The following DGKG variants were observed in gnomAD, a reference collection of about 807,000 sequenced individuals.
The protein encoded by DGKG is diacylglycerol kinase gamma.
DGKG carries 78 observed loss-of-function variants against 105.3 expected under a neutral mutation model. The observed-to-expected ratio is 0.74, with a 90% CI of 0.62 to 0.89. DGKG has a LOEUF of 0.89. Among genes scored for constraint, DGKG ranks in the 40% least tolerant of loss-of-function variants. DGKG has a pLI of 0.00. For missense variants in DGKG, 958 were observed against 1,020.1 expected (o/e 0.94, Z 0.83); for synonymous variants, 346 against 367.1 (o/e 0.94, Z 0.66).
chr3:186,279,040 C>T (rs894786119), intron 9 of DGKG: 1 of 152,234 alleles, frequency 6.6e-6, no homozygotes, highest in Non-Finnish European at 1.5e-5. Context: ...AGCCTGTACA[C>T]ATATGCCCTA....
intron 12 of DGKG, 46 bp downstream of exon 12, chr3:186,268,755 A>C: frequency 7.1e-7 from 1 of 1,413,020 alleles, no homozygotes; most frequent in South Asian, 1.2e-5. Context: ...CAGCTTGGGC[A>C]AAAAAACGTT....
intron 20 of DGKG, among the ~76,000 whole-genome samples, chr3:186,216,485 A>G (rs1290918971): frequency 1.3e-5 from 2 of 152,118 alleles, no homozygotes; most frequent in African/African-American, 4.8e-5. Flanking sequence ...TAAACATTTT[A>G]CACACACCAT....
chr3:186,161,722 T>C, intron 23 of DGKG, 59 bp from the exon 24 acceptor site: 1 of 1,612,860 alleles, frequency 6.2e-7, no homozygotes, highest in Non-Finnish European at 8.5e-7. Context: ...GAATCAAGGT[T>C]ATTCCCACCA....
chr3:186,309,261 G>C lies in DGKG; in HGVS notation c.68-2284C>G, dbSNP rs140112684. On this transcript the variant is annotated intron_variant, in intron 2 of 24. Coordinates refer to ENST00000265022, the MANE Select transcript of DGKG (RefSeq NM_001346.3). Reference sequence around the variant, plus strand: ...TATAAAGGCAGATATGAAGTGGAAAGGGTATTCTCGGAAGAGACCAAGGGA... The same window carrying C: ...TATAAAGGCAGATATGAAGTGGAAACGGTATTCTCGGAAGAGACCAAGGGA... Among the ~76,000 whole-genome samples, 143 of 152,076 alleles carry C rather than the reference G, an allele frequency of 9.4e-4. No homozygotes were observed. In the East Asian group the frequency reaches 0.018, roughly 19 times the overall value.
intron 20 of DGKG, among the ~76,000 whole-genome samples, chr3:186,223,572 C>A (rs555493350): frequency 1.5e-4 from 23 of 152,140 alleles, no homozygotes; most frequent in Admixed American, 4.6e-4. Flanking sequence ...TGGATAAATA[C>A]CCCCCTTCTC....
intron 2 of DGKG, among the ~76,000 whole-genome samples, chr3:186,317,895 C>A (rs1010154469): frequency 6.6e-6 from 1 of 152,188 alleles, no homozygotes; most frequent in African/African-American, 2.4e-5. Flanking sequence ...TGTGTTATCA[C>A]CATCTCCAAA....
chr3:186,317,432 G>A (rs372525773), intron 2 of DGKG, among the ~76,000 whole-genome samples: 6 of 152,090 alleles, frequency 3.9e-5, no homozygotes, highest in Admixed American at 3.3e-4. Flanking sequence ...CCCTCCTGGG[G>A]CCTACAGGAC....
At chr3:186,302,773 A>G (rs1724042258) in intron 3 of DGKG, among the ~76,000 whole-genome samples, 2 of 151,950 alleles carry the variant, frequency 1.3e-5, no homozygotes, top group South Asian at 4.2e-4. Context: ...AATAATTGCA[A>G]TGTGTGGTCA....
chr3:186,152,542 A>C (rs563226417), intron 24 of DGKG, among the ~76,000 whole-genome samples: 144 of 152,346 alleles, frequency 9.5e-4, no homozygotes, highest in African/African-American at 3.3e-3. Context: ...GTGCCTGTTC[A>C]GGGTACAACA....
At chr3:186,306,339 A>T (rs1031261337) in intron 3 of DGKG, among the ~76,000 whole-genome samples, 1 of 152,208 alleles carries the variant, frequency 6.6e-6, no homozygotes, top group South Asian at 2.1e-4. Flanking sequence ...ATGGAAAAAT[A>T]AAATATACGA....
intron 24 of DGKG, among the ~76,000 whole-genome samples, chr3:186,153,922 T>C (rs1715897177): frequency 6.6e-6 from 1 of 152,062 alleles, no homozygotes; most frequent in Admixed American, 6.5e-5. Flanking sequence ...CTGGGGAACA[T>C]GGTGAAACTT....
intron 11 of DGKG, among the ~76,000 whole-genome samples, chr3:186,271,824 G>A (rs963252418): frequency 8.5e-5 from 13 of 152,136 alleles, no homozygotes; most frequent in Admixed American, 7.9e-4. Context: ...TGGAGAGTCT[G>A]GTCCTCCTCG....
chr3:186,309,310 A>T (rs1198022908), intron 2 of DGKG, among the ~76,000 whole-genome samples: 2 of 152,236 alleles, frequency 1.3e-5, no homozygotes, highest in South Asian at 4.1e-4. Flanking sequence ...GATGGGCACC[A>T]TAAAACGTTT....
chr3:186,197,736 T>G (rs990056959), intron 21 of DGKG, among the ~76,000 whole-genome samples: 5 of 152,174 alleles, frequency 3.3e-5, no homozygotes, highest in African/African-American at 1.2e-4. Context: ...ATGTCAGTTA[T>G]AGTAGCCTGA....
chr3:186,165,029 A>G lies in DGKG; in HGVS notation c.2096-11T>C. ...GCTGGTCACTGAGGTCTGCAGAGCG[A>G]GACAGCAAAAGTAGTGCATACACAT... On this transcript the variant is annotated splice_polypyrimidine_tract_variant and intron_variant, in intron 22 of 24. Transcript: ENST00000265022. 6.2e-7 allele frequency: 1 copy of G among 1,609,842 alleles called. No individual in the cohort carries two copies. Among genetic ancestry groups the G allele is most frequent in the Non-Finnish European group, 8.5e-7 (1 of 1,178,392 alleles).
chr3:186,190,369 G>A (rs1221806867), intron 21 of DGKG, among the ~76,000 whole-genome samples: 2 of 152,142 alleles, frequency 1.3e-5, no homozygotes, highest in African/African-American at 4.8e-5. Context: ...CTACATCAAC[G>A]ACGGGATCTA....
rs553512228 is a variant in DGKG at position 186,147,819 on chromosome 3, G to A, written c.*2271C>T. ...TGACCCCAAACCTGAACCTGCCTCA[G>A]TTTCAGAAACAAGTGGCTTCCAAGA... is the stretch of plus-strand genomic sequence containing the variant. On this transcript the variant is annotated 3_prime_UTR_variant, in exon 25 of 25. Transcript: ENST00000265022. 22 of 985,378 alleles carry A rather than the reference G, an allele frequency of 2.2e-5. No homozygotes were observed. Among genetic ancestry groups the A allele is most frequent in the Admixed American group, 1.8e-4 (3 of 16,284 alleles). The allele number at this position is 985,378 out of a possible 1,614,324, so 61.0% of individuals were successfully genotyped here. A position where few individuals can be genotyped will look rare whatever the true frequency, so the allele number is the denominator to read the frequency against.
intron 2 of DGKG, among the ~76,000 whole-genome samples, chr3:186,311,284 C>T (rs1433578548): frequency 6.7e-6 from 1 of 150,128 alleles, no homozygotes; most frequent in African/African-American, 2.5e-5. Flanking sequence ...TCCTAAAAAG[C>T]CCCTGAACTT....
chr3:186,255,104 A>C (rs962137526), intron 17 of DGKG, among the ~76,000 whole-genome samples: 1 of 152,112 alleles, frequency 6.6e-6, no homozygotes, highest in Non-Finnish European at 1.5e-5. Context: ...ACCAGAAATG[A>C]TCTCTTTGTA....
Sources: allele counts gnomAD v4.1 joint callset (sites outside exome capture counted in the v4.1 genomes callset), GRCh38; gene constraint gnomAD v4.1.1; transcripts MANE v1.5; gene names NCBI Gene and HGNC (gene_info 2026-07-23, HGNC 2026-07-21).